CELA3B: variants seen among roughly 807,000 people sequenced by gnomAD.
CELA3B encodes chymotrypsin like elastase 3B.
A neutral mutation model predicts 37.2 loss-of-function variants in CELA3B; 34 were observed. The ratio of observed to expected loss-of-function variants is 0.91; its 90% CI spans 0.70 to 1.22. The LOEUF is 1.22. Among genes scored for constraint, CELA3B ranks in the 50% most tolerant of loss-of-function variants. The probability of loss-of-function intolerance (pLI) is 0.00; values close to 1 mark genes in which losing one functional copy is unlikely to be tolerated. For synonymous variants in CELA3B, 127 were observed against 143.5 expected (o/e 0.89, Z 0.82); for missense variants, 340 against 363.1 (o/e 0.94, Z 0.52).
chr1:21,981,057 G>C lies in CELA3B; in HGVS notation c.247G>C (p.Val83Leu). ...CCGCAGGAGCTCCCGGACCTACCAGGTGGTGTTGGGCGAGTACGACCGTGC... is the reference window on the plus strand; with the variant it reads ...CCGCAGGAGCTCCCGGACCTACCAGCTGGTGTTGGGCGAGTACGACCGTGC... ...HCISSSRTYQ[V>L]VLGEYDRAVK... is the part of the protein sequence containing the mutation. Residue 83 changes from valine to leucine, a missense_variant, in exon 4 of 8, where the codon GTG (valine) becomes CTG (leucine). By Grantham distance (32) the Val-to-Leu change is conservative. Coordinates refer to ENST00000337107, the MANE Select transcript of CELA3B (RefSeq NM_007352.4). 1 of 1,614,120 alleles carries C rather than the reference G, an allele frequency of 6.2e-7. No individual in the cohort carries two copies. Among genetic ancestry groups the C allele is most frequent in the African/African-American group, 1.3e-5 (1 of 75,048 alleles).
exon 5 of CELA3B, chr1:21,998,526 T>G (rs1032202031): frequency 1.6e-5 from 3 of 186,128 alleles, no homozygotes; most frequent in African/African-American, 7.0e-5. Context: ...AGGTGCATCC[T>G]GCATGAATAT....
rs555725190 is a variant in CELA3B at position 21,984,057 on chromosome 1, C to G, written c.500-132C>G. On this transcript the variant is annotated intron_variant, in intron 5 of 7. Coordinates refer to ENST00000337107, the MANE Select transcript of CELA3B (RefSeq NM_007352.4). ...GGGATGTAATGGTGCACAAAGCATG[C>G]AGGACCATTTAGCGGGTGGGAGGAG... 6 of 1,289,832 alleles carry G rather than the reference C, an allele frequency of 4.7e-6. No homozygotes were observed. In the South Asian group the frequency reaches 7.0e-5, roughly 15 times the overall value. 79.9% of individuals were successfully genotyped at this position (1,289,832 alleles called of 1,614,324 possible). A position where few individuals can be genotyped will look rare whatever the true frequency, so the allele number is the denominator to read the frequency against.
intron 4 of CELA3B, among the ~76,000 whole-genome samples, chr1:21,996,004 G>A (rs568053325): frequency 2.0e-5 from 3 of 149,978 alleles, no homozygotes; most frequent in South Asian, 4.2e-4. Flanking sequence ...ACCTGAGGTC[G>A]GGAGTTCGAG....
At chr1:21,990,636 C>T (rs1488160451), downstream of CELA3B, among the ~76,000 whole-genome samples, 1 of 8,024 alleles carries the variant, frequency 1.2e-4, no homozygotes, top group East Asian at 1.5e-3. Context: ...GTGGTTCATA[C>T]TTGTAATCCC....
Position 21,977,123 on chromosome 1 carries a change from A to G in CELA3B, c.43+41A>G, listed in dbSNP as rs373080368. ...GTGTGTGTGCTCCCTGGGCTGCCCT[A>G]GATTAGGAATCCTTGAAATCTACCA... On this transcript the variant is annotated intron_variant, in intron 1 of 7. Coordinates refer to ENST00000337107, the MANE Select transcript of CELA3B (RefSeq NM_007352.4). 1.0e-4 allele frequency: 165 copies of G among 1,592,070 alleles called. 1 individual carries two copies. Among genetic ancestry groups the G allele is most frequent in the Middle Eastern group, 3.3e-4 (2 of 6,040 alleles).
In CELA3B at chr1:21,983,715, G is replaced by C. The variant is rs1218462779; in HGVS notation, c.384G>C (p.Lys128Asn). 2 of 1,614,070 alleles carry C rather than the reference G, an allele frequency of 1.2e-6. No individual in the cohort carries two copies. Among genetic ancestry groups the C allele is most frequent in the South Asian group, 2.2e-5 (2 of 91,066 alleles). ...VACGNDIALI[K>N]LSRSAQLGDA... is the part of the protein sequence containing the mutation. ...CCAGCAATGACATCGCCCTCATCAA[G>C]CTCTCACGCAGCGCCCAGCTGGGAG... Residue 128 changes from lysine (K) to asparagine (N), a missense_variant, in exon 5 of 8, where the codon AAG becomes AAC. Transcript: ENST00000337107.
At chr1:21,993,016 T>C (rs1450115514), downstream of CELA3B, among the ~76,000 whole-genome samples, 1 of 150,768 alleles carries the variant, frequency 6.6e-6, no homozygotes, top group Non-Finnish European at 1.5e-5. Context: ...AGAACATAGT[T>C]CTAATGGCAG....
exon 5 of CELA3B, chr1:21,998,252 A>G (rs1405178031): frequency 2.2e-6 from 1 of 462,082 alleles, no homozygotes; most frequent in Non-Finnish European, 4.5e-6. Context: ...GTCCTGTAGG[A>G]AAGGACAATT....
chr1:21,989,125 G>A (rs1191886658), intron 7 of CELA3B, 137 bp from the exon 8 acceptor site: 2 of 1,525,468 alleles, frequency 1.3e-6, no homozygotes, highest in Non-Finnish European at 1.8e-6. Context: ...CTACATAGAG[G>A]AGGAAACTGA....
intron 4 of CELA3B, among the ~76,000 whole-genome samples, chr1:21,997,262 G>C (rs1048230409): frequency 6.7e-6 from 1 of 150,172 alleles, no homozygotes; most frequent in African/African-American, 2.5e-5. Context: ...TTGGGAGGCT[G>C]AGGCAGGAGA....
chr1:21,983,885 T>C (rs1569842992), intron 5 of CELA3B, 55 bp downstream of exon 5: 1 of 1,588,322 alleles, frequency 6.3e-7, no homozygotes, highest in Non-Finnish European at 8.6e-7. Flanking sequence ...AGACAGGGCC[T>C]GGGGGCTGCA....
intron 4 of CELA3B, among the ~76,000 whole-genome samples, chr1:21,996,831 G>A (rs1375074744): frequency 6.6e-6 from 1 of 151,042 alleles, no homozygotes; most frequent in South Asian, 2.1e-4. Flanking sequence ...TCCTAGCCCT[G>A]GGTTCCCATG....
chr1:21,985,261 C>T (rs1052748489), intron 6 of CELA3B, among the ~76,000 whole-genome samples: 8 of 145,238 alleles, frequency 5.5e-5, no homozygotes, highest in Non-Finnish European at 4.5e-5. Flanking sequence ...CAAGCCTGGG[C>T]GACAGAGCAA....
At position 21,981,070 on chromosome 1, in the gene CELA3B, A is replaced by T. The variant is rs373016349; in HGVS notation, c.260A>T (p.Glu87Val). Reference sequence around the variant, plus strand: ...CGGACCTACCAGGTGGTGTTGGGCGAGTACGACCGTGCTGTGAAGGAGGGC... The same window carrying T: ...CGGACCTACCAGGTGGTGTTGGGCGTGTACGACCGTGCTGTGAAGGAGGGC... ...SSRTYQVVLGEYDRAVKEGPE... is the reference protein window; with the variant it reads ...SSRTYQVVLGVYDRAVKEGPE... The change falls in exon 4 of 8, where the codon GAG becomes GTG. Residue 87 changes from glutamate to valine, a missense_variant. By Grantham distance (121) the Glu-to-Val change is moderately radical (BLOSUM62 -2). Coordinates refer to ENST00000337107, the MANE Select transcript of CELA3B (RefSeq NM_007352.4). 1.1e-5 allele frequency: 18 copies of T among 1,613,886 alleles called. No homozygotes were observed. Among genetic ancestry groups the T allele is most frequent in the Non-Finnish European group, 1.5e-5 (18 of 1,180,016 alleles).
rs957991693 is a variant in CELA3B, at chr1:21,988,819, G to A, written c.796-443G>A. Among the ~76,000 whole-genome samples, 35 of 152,040 alleles carry A rather than the reference G, an allele frequency of 2.3e-4. 2 individuals are homozygous for A. The highest frequency in any genetic ancestry group is 8.5e-4 in the African/African-American group (35 of 41,338). ...GCAGGAGAATGGCATGAACCCAAGAGGTGGAGGTTGCGGTGAGCTGAGATT... is the reference window on the plus strand; with the variant it reads ...GCAGGAGAATGGCATGAACCCAAGAAGTGGAGGTTGCGGTGAGCTGAGATT... On this transcript the variant is annotated intron_variant, in intron 7 of 7. Coordinates refer to ENST00000337107, the MANE Select transcript of CELA3B (RefSeq NM_007352.4).
chr1:21,996,448 G>A (rs576501445), intron 4 of CELA3B, among the ~76,000 whole-genome samples: 22 of 151,270 alleles, frequency 1.5e-4, no homozygotes, highest in Middle Eastern at 3.4e-3. Flanking sequence ...AAATGCCATG[G>A]CAACGTCAGG....
intron 6 of CELA3B, 148 bp downstream of exon 6, chr1:21,984,479 C>G: frequency 1.8e-6 from 2 of 1,104,378 alleles, no homozygotes; most frequent in Non-Finnish European, 2.5e-6. Context: ...TCAGCGCAGT[C>G]CAGACACAGA....
intron 5 of CELA3B, 113 bp from the exon 6 acceptor site, chr1:21,984,076 G>A: frequency 7.3e-7 from 1 of 1,364,228 alleles, no homozygotes; most frequent in Middle Eastern, 1.9e-4. Flanking sequence ...TTAGCGGGTG[G>A]GAGGAGAGTC....
chr1:21,978,195 C>G (rs548476705), intron 1 of CELA3B, among the ~76,000 whole-genome samples, 174 bp from the exon 2 acceptor site: 7 of 149,024 alleles, frequency 4.7e-5, no homozygotes, highest in African/African-American at 1.7e-4. Flanking sequence ...TCTGGAAAGC[C>G]CTGCTCTAGT....
Sources: gnomAD v4.1 joint callset for allele counts (sites outside exome capture counted in the v4.1 genomes callset) on GRCh38, gnomAD v4.1.1 for gene constraint, MANE v1.5 for transcripts, NCBI Gene and HGNC (gene_info 2026-07-23, HGNC 2026-07-21) for gene names.